PTPN13: variants seen among roughly 807,000 people sequenced by gnomAD.
PTPN13 encodes the protein tyrosine-protein phosphatase non-receptor type 13.
In PTPN13, 191 loss-of-function variants were observed where a neutral mutation model predicts 284.0. The ratio of observed to expected loss-of-function variants is 0.67; its 90% confidence interval spans 0.60 to 0.76. PTPN13 has a LOEUF of 0.76. PTPN13 is among the 30% of genes least tolerant of loss of function. PTPN13 has a pLI of 0.00. For missense variants in PTPN13, 2,797 were observed against 2,939.9 expected, an observed-to-expected ratio of 0.95 and a Z score of 1.12; for synonymous variants, 986 against 1,022.3, an observed-to-expected ratio of 0.96 and a Z score of 0.68.
chr4:86,665,476 A>G (rs767871374), intron 2 of PTPN13, among the ~76,000 whole-genome samples: 3 of 152,202 alleles, frequency 2.0e-5, no homozygotes, highest in Non-Finnish European at 2.9e-5. Context: ...ATGACTATGT[A>G]TAGTAAAACA....
Position 86,722,434 on chromosome 4 carries a change from G to A in PTPN13, c.1608G>A (p.Arg536=), listed in dbSNP as rs1685588859. The A allele has an allele frequency of 6.2e-7, 1 of 1,607,618 alleles. No individual in the cohort carries two copies. Among genetic ancestry groups the A allele is most frequent in the Non-Finnish European group, 8.5e-7 (1 of 1,174,586 alleles). The part of the protein sequence containing the change: ...LETAMTQRKL[R]NFFGPEFVKM... The stretch of plus-strand genomic sequence containing the variant: ...CAGCCATGACTCAAAGAAAACTGAG[G>A]GTAAGTTGATTCTCAGGTTACTACA... Residue 536 remains arginine, a splice_region_variant and synonymous_variant, in exon 10 of 48, where the codon AGG becomes AGA. Transcript: ENST00000411767.
intron 7 of PTPN13, among the ~76,000 whole-genome samples, chr4:86,711,263 C>A (rs914954160): frequency 6.6e-6 from 1 of 152,006 alleles, no homozygotes; most frequent in Non-Finnish European, 1.5e-5. Context: ...ATCCACCTGC[C>A]TCAGCCTCCC....
chr4:86,727,738 A>G (rs181522363), intron 10 of PTPN13, among the ~76,000 whole-genome samples: 1 of 148,874 alleles, frequency 6.7e-6, no homozygotes, highest in Non-Finnish European at 1.5e-5. Context: ...CAGTACATCA[A>G]TTTTGTTGAT....
rs752932690 is a variant in PTPN13 at position 86,785,261 on chromosome 4, A to T, written c.6149A>T (p.Asp2050Val). ...ESYIQEDDIYDDSQEAEVIQS... is the reference protein window; with the variant it reads ...ESYIQEDDIYVDSQEAEVIQS... ...TATATACAAGAAGATGACATTTATG[A>T]TGATTCCCAAGAAGCTGAAGTTATC... The change falls in exon 39 of 48, where the codon GAT becomes GTT. Residue 2050 changes from aspartate (D) to valine (V), a missense_variant. Asp to Val is a radical substitution (Grantham distance 152). Transcript: ENST00000411767. 3 of 1,579,794 alleles carry T rather than the reference A, an allele frequency of 1.9e-6. No homozygotes were observed. The highest frequency in any genetic ancestry group is 2.6e-6 in the Non-Finnish European group (3 of 1,152,416).
chr4:86,770,153 G>T lies in PTPN13; in HGVS notation c.4757G>T (p.Cys1586Phe), dbSNP rs1169101084. 2 of 1,613,710 alleles carry T rather than the reference G, an allele frequency of 1.2e-6. No individual in the cohort carries two copies. Among genetic ancestry groups the T allele is most frequent in the South Asian group, 1.1e-5 (1 of 91,016 alleles). Residue 1586 changes from cysteine (C) to phenylalanine (F), a missense_variant, in exon 30 of 48, where the codon TGC becomes TTC. Physicochemically the swap from Cys to Phe is radical, Grantham distance 205. Transcript: ENST00000411767. ...GTAPEVFLLL[C>F]RPPPGVLPEI... ...GCTCCAGAAGTATTCTTGCTTCTCT[G>T]CAGACCTCCACCTGGTGTGCTACCG...
At chr4:86,645,875 A>G (rs1022190671) in intron 2 of PTPN13, among the ~76,000 whole-genome samples, 2 of 152,328 alleles carry the variant, frequency 1.3e-5, no homozygotes, top group Non-Finnish European at 2.9e-5. Context: ...AGAGTAGCCA[A>G]AACAACTTTG....
intron 2 of PTPN13, among the ~76,000 whole-genome samples, chr4:86,637,233 C>T (rs1255127667): frequency 2.6e-5 from 4 of 151,784 alleles, no homozygotes; most frequent in Middle Eastern, 3.4e-3. Flanking sequence ...GATTCACAGC[C>T]GAATTCTACC....
intron 2 of PTPN13, among the ~76,000 whole-genome samples, chr4:86,669,542 A>C (rs531438341): frequency 1.3e-5 from 2 of 152,222 alleles, no homozygotes; most frequent in East Asian, 3.9e-4. Flanking sequence ...CAGTTTACTG[A>C]CCTTGGTTGT....
chr4:86,776,967 CCCA>C (rs1362302295), intron 35 of PTPN13, among the ~76,000 whole-genome samples: 13 of 152,176 alleles, frequency 8.5e-5, no homozygotes, highest in Non-Finnish European at 1.5e-4. Flanking sequence ...TAGGATTAAT[CCCA>C]CTGGAACTTC....
chr4:86,773,036 G>GA (rs1740184635), intron 32 of PTPN13, 78 bp downstream of exon 32: 1 of 1,100,578 alleles, frequency 9.1e-7, no homozygotes, highest in African/African-American at 1.6e-5. Context: ...TCCCTTTAGG[G>GA]AAAAAGCTAT....
chr4:86,744,425 G>C (rs1179081190), intron 16 of PTPN13, among the ~76,000 whole-genome samples: 3 of 152,064 alleles, frequency 2.0e-5, no homozygotes, highest in Non-Finnish European at 4.4e-5. Context: ...AAAGGAATCT[G>C]TTTCCCTTGT....
intron 3 of PTPN13, among the ~76,000 whole-genome samples, chr4:86,683,438 G>A (rs1578408455): frequency 6.6e-6 from 1 of 152,192 alleles, no homozygotes; most frequent in East Asian, 1.9e-4. Flanking sequence ...AGGCAGTTAA[G>A]TAGAAAGAAT....
intron 15 of PTPN13, among the ~76,000 whole-genome samples, chr4:86,741,357 G>A (rs772195223): frequency 3.3e-5 from 5 of 152,186 alleles, no homozygotes; most frequent in Admixed American, 1.3e-4. Flanking sequence ...TGAAAGGCAT[G>A]TCTCACATGG....
intron 21 of PTPN13, 146 bp from the exon 22 acceptor site, chr4:86,758,532 A>C: frequency 1.1e-6 from 1 of 922,544 alleles, no homozygotes. Flanking sequence ...AAATGCCTAC[A>C]AGAAATACTT....
chr4:86,662,291 G>T (rs1338323766), intron 2 of PTPN13, among the ~76,000 whole-genome samples: 2 of 151,998 alleles, frequency 1.3e-5, no homozygotes, highest in African/African-American at 4.8e-5. Context: ...TTAATAGGGT[G>T]GTCAAATAAG....
chr4:86,620,946 G>A (rs1026003695), intron 1 of PTPN13, among the ~76,000 whole-genome samples: 6 of 152,218 alleles, frequency 3.9e-5, no homozygotes, highest in Non-Finnish European at 7.4e-5. Flanking sequence ...TTTTGTTTAG[G>A]TATCTGTTGT....
chr4:86,808,673 T>C (rs1328336490), intron 45 of PTPN13, among the ~76,000 whole-genome samples: 1 of 152,230 alleles, frequency 6.6e-6, no homozygotes, highest in African/African-American at 2.4e-5. Context: ...ACCTATTACT[T>C]AGGCTAGCAC....
At chr4:86,614,353 C>A (rs1363660075) in intron 1 of PTPN13, among the ~76,000 whole-genome samples, 1 of 152,060 alleles carries the variant, frequency 6.6e-6, no homozygotes, top group African/African-American at 2.4e-5. Context: ...TATTTGCACA[C>A]AAAAGTTTTT....
At chr4:86,738,024 G>A (rs1467036217) in intron 15 of PTPN13, among the ~76,000 whole-genome samples, 1 of 152,080 alleles carries the variant, frequency 6.6e-6, no homozygotes, top group Non-Finnish European at 1.5e-5. Context: ...ACTGTGCCTG[G>A]CCTAGAATAA....
Sources: gnomAD v4.1 joint callset for allele counts (sites outside exome capture counted in the v4.1 genomes callset) on GRCh38, gnomAD v4.1.1 for gene constraint, MANE v1.5 for transcripts, NCBI Gene and HGNC (gene_info 2026-07-23, HGNC 2026-07-21) for gene names.